The following GRM8 variants were observed in gnomAD, a reference collection of about 807,000 sequenced individuals.
GRM8 encodes glutamate metabotropic receptor 8.
In GRM8, 47 loss-of-function variants were observed where a neutral mutation model predicts 87.2. The ratio of observed to expected loss-of-function variants is 0.54; its 90% CI spans 0.43 to 0.69. The LOEUF (loss-of-function observed/expected upper bound fraction) is 0.69. Among genes scored for constraint, GRM8 ranks in the 30% least tolerant of loss-of-function variants. The pLI is 0.00. For missense variants in GRM8, 1,019 were observed against 1,139.2 expected (o/e 0.89, Z 1.52); for synonymous variants, 396 against 404.5 (o/e 0.98, Z 0.25).
chr7:126,653,819 T>C (rs1563061629), intron 7 of GRM8, among the ~76,000 whole-genome samples: 1 of 152,230 alleles, frequency 6.6e-6, no homozygotes, highest in Non-Finnish European at 1.5e-5. Flanking sequence ...CTATTTATCA[T>C]CTTCAGAAGT....
intron 8 of GRM8, among the ~76,000 whole-genome samples, chr7:126,544,308 T>C (rs1344481518): frequency 6.6e-6 from 1 of 152,066 alleles, no homozygotes; most frequent in African/African-American, 2.4e-5. Flanking sequence ...CTTCTCTCTA[T>C]TTAGTGTTTT....
At chr7:126,623,337 T>C (rs1387251610) in intron 7 of GRM8, among the ~76,000 whole-genome samples, 1 of 152,206 alleles carries the variant, frequency 6.6e-6, no homozygotes, top group African/African-American at 2.4e-5. Flanking sequence ...TAATATACTT[T>C]ATGTAAACTA....
intron 3 of GRM8, among the ~76,000 whole-genome samples, chr7:127,008,082 A>G (rs1814498041): frequency 6.6e-6 from 1 of 151,972 alleles, no homozygotes; most frequent in South Asian, 2.1e-4. Flanking sequence ...AAAGACAAGC[A>G]AGCAGAGGAA....
chr7:126,977,413 G>A (rs894094605), intron 3 of GRM8, among the ~76,000 whole-genome samples: 4 of 152,164 alleles, frequency 2.6e-5, no homozygotes, highest in Admixed American at 2.0e-4. Context: ...CTACGTGTCT[G>A]TTAGAGAATC....
chr7:126,479,959 A>C (rs961923641), intron 9 of GRM8, among the ~76,000 whole-genome samples: 8 of 152,136 alleles, frequency 5.3e-5, no homozygotes, highest in Non-Finnish European at 5.9e-5. Context: ...AGGGAAAAAA[A>C]TCAACCAGAA....
At chr7:126,865,260 T>A (rs1301622490) in intron 6 of GRM8, among the ~76,000 whole-genome samples, 5 of 152,220 alleles carry the variant, frequency 3.3e-5, no homozygotes, top group African/African-American at 4.8e-5. Context: ...ATTTTTAATA[T>A]CATGCTTTTT....
chr7:126,815,612 T>C (rs1237237129), intron 6 of GRM8, among the ~76,000 whole-genome samples: 1 of 152,160 alleles, frequency 6.6e-6, no homozygotes, highest in Non-Finnish European at 1.5e-5. Flanking sequence ...GGCAAGGTAG[T>C]ACAGGCTATA....
At chr7:126,631,816 A>T (rs2151174949) in intron 7 of GRM8, among the ~76,000 whole-genome samples, 1 of 152,344 alleles carries the variant, frequency 6.6e-6, no homozygotes, top group South Asian at 2.1e-4. Flanking sequence ...TGCTGGGAGA[A>T]CTGGCTAGCC....
chr7:126,499,420 A>T (rs1284571748), intron 9 of GRM8, among the ~76,000 whole-genome samples: 1 of 151,788 alleles, frequency 6.6e-6, no homozygotes, highest in Non-Finnish European at 1.5e-5. Context: ...CTCCAAAAAA[A>T]AAAAAACTAG....
At chr7:126,660,588 T>G (rs1805055300) in intron 7 of GRM8, among the ~76,000 whole-genome samples, 1 of 152,228 alleles carries the variant, frequency 6.6e-6, no homozygotes. Flanking sequence ...GTCTACACTT[T>G]TTATTGAAGT....
chr7:127,003,400 T>C (rs1813921254), intron 3 of GRM8, among the ~76,000 whole-genome samples: 1 of 151,764 alleles, frequency 6.6e-6, no homozygotes, highest in Non-Finnish European at 1.5e-5. Flanking sequence ...ATAGATTAAA[T>C]TTCTTCTGAG....
At chr7:127,114,494 T>C (rs550352537) in intron 2 of GRM8, among the ~76,000 whole-genome samples, 1 of 152,160 alleles carries the variant, frequency 6.6e-6, no homozygotes, top group African/African-American at 2.4e-5. Flanking sequence ...AGGTCATGAG[T>C]TGAATTCCAT....
chr7:126,469,744 T>C (rs1195826602), intron 9 of GRM8, among the ~76,000 whole-genome samples: 1 of 152,178 alleles, frequency 6.6e-6, no homozygotes, highest in African/African-American at 2.4e-5. Context: ...ACCTCTTCCA[T>C]TTATAAATTA....
intron 6 of GRM8, among the ~76,000 whole-genome samples, chr7:126,892,553 T>A (rs568719865): frequency 1.3e-3 from 197 of 152,272 alleles, no homozygotes; most frequent in Non-Finnish European, 1.8e-3. Flanking sequence ...ACATTTGGGT[T>A]GGTTCCAAGT....
At position 126,857,629 on chromosome 7, in the gene GRM8, G is replaced by A. The variant is rs571925622; in HGVS notation, c.1156+44913C>T. Among the ~76,000 whole-genome samples, 49 of 152,258 alleles carry A rather than the reference G, an allele frequency of 3.2e-4. No homozygotes were observed. The South Asian group carries it at 0.01, about 32-fold the overall frequency. ...CAGGTGAGACGAACTGCCTACCCAGGTCTTCTTTACTTCTCTGTCTTATTC... is the reference window on the plus strand; with the variant it reads ...CAGGTGAGACGAACTGCCTACCCAGATCTTCTTTACTTCTCTGTCTTATTC... On this transcript the variant is annotated intron_variant, in intron 6 of 10. Coordinates refer to ENST00000339582, the MANE Select transcript of GRM8 (RefSeq NM_000845.3).
chr7:126,534,012 G>A lies in GRM8; in HGVS notation c.1495-125C>T, dbSNP rs1815280320. 8 of 721,980 alleles carry A rather than the reference G, an allele frequency of 1.1e-5. No homozygotes were observed. The East Asian group carries it at 2.2e-4, about 20-fold the overall frequency. The allele number at this position is 721,980 out of a possible 1,614,324, so 44.7% of individuals were successfully genotyped here. On this transcript the variant is annotated intron_variant, in intron 8 of 10. Coordinates refer to ENST00000339582, the MANE Select transcript of GRM8 (RefSeq NM_000845.3). ...ACAAATACAGTTTACCATAATAAGA[G>A]TCTCGTTTTTTTTCCCCTGATATTG...
At chr7:126,932,745 A>G (rs552916196) in intron 3 of GRM8, among the ~76,000 whole-genome samples, 1 of 152,224 alleles carries the variant, frequency 6.6e-6, no homozygotes, top group Non-Finnish European at 1.5e-5. Flanking sequence ...TGAAAAAAGA[A>G]TAATAGTCCC....
intron 7 of GRM8, among the ~76,000 whole-genome samples, chr7:126,643,609 T>C (rs547536088): frequency 1.3e-5 from 2 of 152,236 alleles, no homozygotes; most frequent in Admixed American, 1.3e-4. Context: ...CATAGGATTT[T>C]AAAAACTACG....
At chr7:126,570,955 T>C (rs1185737425) in intron 8 of GRM8, among the ~76,000 whole-genome samples, 4 of 152,184 alleles carry the variant, frequency 2.6e-5, no homozygotes, top group Non-Finnish European at 5.9e-5. Flanking sequence ...TGTTTGTCAC[T>C]TTTTTTCTAA....
Sources: allele counts gnomAD v4.1 joint callset (sites outside exome capture counted in the v4.1 genomes callset), GRCh38; gene constraint gnomAD v4.1.1; transcripts MANE v1.5; gene names NCBI Gene and HGNC (gene_info 2026-07-23, HGNC 2026-07-21).